GNAL: variants seen among roughly 807,000 people sequenced by gnomAD.
GNAL encodes the protein G protein subunit alpha L.
In GNAL, 18 loss-of-function variants were observed where a neutral mutation model predicts 55.1. The observed-to-expected ratio is 0.33, with a 90% CI of 0.23 to 0.48. GNAL has a LOEUF of 0.48. GNAL is among the 20% of genes least tolerant of loss of function. GNAL has a pLI of 0.99. For missense variants in GNAL, 412 were observed against 614.1 expected (o/e 0.67, Z 3.48); for synonymous variants, 253 against 237.0 (o/e 1.07, Z -0.62).
At chr18:11,718,562 G>C (rs558335224) in intron 1 of GNAL, among the ~76,000 whole-genome samples, 1 of 152,226 alleles carries the variant, frequency 6.6e-6, no homozygotes, top group African/African-American at 2.4e-5. Context: ...TTCACAGATT[G>C]ATCTCTTATA....
chr18:11,810,183 G>C (rs930933330), intron 4 of GNAL, among the ~76,000 whole-genome samples: 1 of 152,212 alleles, frequency 6.6e-6, no homozygotes, highest in Non-Finnish European at 1.5e-5. Context: ...TTGAGCTCAG[G>C]AGTTGTCAGA....
At chr18:11,840,274 G>T (rs1246251275) in intron 5 of GNAL, among the ~76,000 whole-genome samples, 1 of 152,224 alleles carries the variant, frequency 6.6e-6, no homozygotes, top group Non-Finnish European at 1.5e-5. Flanking sequence ...AAGAATGAAA[G>T]ATTCCTTATC....
chr18:11,878,177 G>A (rs78211765), intron 11 of GNAL, among the ~76,000 whole-genome samples: 1 of 152,348 alleles, frequency 6.6e-6, no homozygotes, highest in Non-Finnish European at 1.5e-5. Context: ...CAGGCCGGAT[G>A]CAGTTGCTCA....
At chr18:11,845,925 C>T (rs1432901240) in intron 5 of GNAL, among the ~76,000 whole-genome samples, 1 of 152,136 alleles carries the variant, frequency 6.6e-6, no homozygotes, top group African/African-American at 2.4e-5. Context: ...GAAAACGCCA[C>T]TTAAATAATA....
chr18:11,756,949 G>A (rs2033076869), intron 4 of GNAL, among the ~76,000 whole-genome samples: 2 of 152,074 alleles, frequency 1.3e-5, no homozygotes, highest in South Asian at 4.1e-4. Flanking sequence ...TTATTTGAGG[G>A]TCTTAAGTTA....
Position 11,884,371 on chromosome 18 carries a change from C to G in GNAL, c.*3236C>G. 6.9e-7 allele frequency: 1 copy of G among 1,449,534 alleles called. No individual in the cohort carries two copies. 89.8% of individuals were successfully genotyped at this position (1,449,534 alleles called of 1,614,324 possible). A position where few individuals can be genotyped will look rare whatever the true frequency, so the allele number is the denominator to read the frequency against. On this transcript the variant is annotated 3_prime_UTR_variant, in exon 12 of 12. Transcript: ENST00000334049. ...GACGGCCTGTAATTGGTCTCATCAT[C>G]CACTTGATTCTAACATGATCTCTGC...
Position 11,884,574 on chromosome 18 carries a change from C to A in GNAL, c.*3439C>A, listed in dbSNP as rs1284107098. ...CACAGTAGATGATCAAAACCACATCCTCACGTGGGAGGTAGCACTTGGAGA... is the reference window on the plus strand; with the variant it reads ...CACAGTAGATGATCAAAACCACATCATCACGTGGGAGGTAGCACTTGGAGA... On this transcript the variant is annotated 3_prime_UTR_variant, in exon 12 of 12. Transcript: ENST00000334049. The A allele has an allele frequency of 6.2e-7, 1 of 1,614,004 alleles. No homozygotes were observed.
At position 11,689,507 on chromosome 18, in the gene GNAL, C is replaced by T. The variant is rs2031164337; in HGVS notation, c.-57C>T. The T allele has an allele frequency of 3.4e-6, 3 of 877,368 alleles. No homozygotes were observed. Among genetic ancestry groups the T allele is most frequent in the Non-Finnish European group, 4.5e-6 (3 of 667,158 alleles). The allele number at this position is 877,368 out of a possible 1,614,324, so 54.3% of individuals were successfully genotyped here. A position where few individuals can be genotyped will look rare whatever the true frequency, so the allele number is the denominator to read the frequency against. ...TGAACTGGGCGCGGGAACCAGGCCG[C>T]CCTCGGCGCCCAGCCTGCCCTAGTC... On this transcript the variant is annotated 5_prime_UTR_variant, in exon 1 of 12. Transcript: ENST00000334049.
At chr18:11,827,858 C>A (rs1328154299) in intron 5 of GNAL, among the ~76,000 whole-genome samples, 1 of 151,484 alleles carries the variant, frequency 6.6e-6, no homozygotes, top group Non-Finnish European at 1.5e-5. Context: ...GTAGTCCCAG[C>A]TACTCTGGAG....
chr18:11,820,526 A>G (rs545834353), intron 4 of GNAL, among the ~76,000 whole-genome samples: 244 of 152,342 alleles, frequency 1.6e-3, no homozygotes, highest in African/African-American at 5.6e-3. Flanking sequence ...TAAATAAAAT[A>G]TTTGTTTCAA....
chr18:11,822,470 G>A (rs112696985), intron 4 of GNAL, among the ~76,000 whole-genome samples: 20 of 152,198 alleles, frequency 1.3e-4, no homozygotes, highest in African/African-American at 4.3e-4. Flanking sequence ...CAGGCGTGGT[G>A]GCACGCGGCT....
At chr18:11,878,788 G>A (rs57224868) in intron 11 of GNAL, among the ~76,000 whole-genome samples, 116,355 of 151,874 alleles carry the variant, frequency 0.77, 45,030 homozygotes, top group Middle Eastern at 0.82. Context: ...GGCTGGTCTC[G>A]AACTCCTCGC....
rs1246552971 is a variant in GNAL at position 11,881,213 on chromosome 18, A to G, written c.*78A>G. On this transcript the variant is annotated 3_prime_UTR_variant, in exon 12 of 12. Transcript: ENST00000334049. This position sits in a 1 kb window ranked among gnomAD's most constrained non-coding sequence, Gnocchi z 4.8. Reference sequence around the variant, plus strand: ...AGCCCCATGCCATGGTAGGAGGCAGAGTCTCTAGTTCCATCTCGCTGCCGT... The same window carrying G: ...AGCCCCATGCCATGGTAGGAGGCAGGGTCTCTAGTTCCATCTCGCTGCCGT... 1.4e-6 allele frequency: 2 copies of G among 1,387,698 alleles called. No individual in the cohort carries two copies. The highest frequency in any genetic ancestry group is 2.0e-6 in the Non-Finnish European group (2 of 1,015,852). 86.0% of individuals were successfully genotyped at this position (1,387,698 alleles called of 1,614,324 possible).
At chr18:11,819,392 T>C (rs1388075588) in intron 4 of GNAL, among the ~76,000 whole-genome samples, 1 of 152,230 alleles carries the variant, frequency 6.6e-6, no homozygotes, top group Non-Finnish European at 1.5e-5. Flanking sequence ...TTTTAAACTT[T>C]AGTTTAAATG....
chr18:11,730,132 C>G (rs2032304558), intron 1 of GNAL, among the ~76,000 whole-genome samples: 1 of 151,088 alleles, frequency 6.6e-6, no homozygotes. Flanking sequence ...CTCCCAGGTT[C>G]ACAACATTCT....
intron 1 of GNAL, among the ~76,000 whole-genome samples, chr18:11,716,883 A>C (rs558472593): frequency 1.3e-5 from 2 of 152,328 alleles, no homozygotes; most frequent in South Asian, 4.1e-4. Context: ...AGCTGGCTTC[A>C]CCCAGTGGAT....
intron 5 of GNAL, among the ~76,000 whole-genome samples, chr18:11,849,691 C>CT (rs977124595): frequency 4.1e-4 from 63 of 151,924 alleles, no homozygotes; most frequent in East Asian, 1.4e-3. Context: ...ATTTCTTCCC[C>CT]TTTTTTTTGG....
At chr18:11,870,700 G>A (rs1216227792) in intron 9 of GNAL, among the ~76,000 whole-genome samples, 1 of 151,982 alleles carries the variant, frequency 6.6e-6, no homozygotes, top group Non-Finnish European at 1.5e-5. Context: ...GGAATATTTA[G>A]CGCGCACACA....
chr18:11,762,624 C>T lies in GNAL; in HGVS notation c.624+8679C>T, dbSNP rs565776902. On this transcript the variant is annotated intron_variant, in intron 4 of 11. Transcript: ENST00000334049. ...TTCAGGGTGGGTGGCACCTTCCCTG[C>T]AGACCAAAAGCCCAGTCAGGCCACG... Among the ~76,000 whole-genome samples, 4 of 152,282 alleles carry T rather than the reference C, an allele frequency of 2.6e-5. No homozygotes were observed. In the East Asian group the frequency reaches 7.7e-4, roughly 29 times the overall value.
Sources: allele counts gnomAD v4.1 joint callset (sites outside exome capture counted in the v4.1 genomes callset), GRCh38; gene constraint gnomAD v4.1.1; non-coding constraint Gnocchi (gnomAD v3.1); transcripts MANE v1.5; gene names NCBI Gene and HGNC (gene_info 2026-07-23, HGNC 2026-07-21).